The following HCN2 variants were observed in gnomAD, a reference collection of about 807,000 sequenced individuals.
HCN2 encodes hyperpolarization activated cyclic nucleotide gated potassium and sodium channel 2, also known as potassium/sodium hyperpolarization-activated cyclic nucleotide-gated channel 2.
A neutral mutation model predicts 52.3 loss-of-function variants in HCN2; 20 were observed. That is an observed-to-expected ratio of 0.38 (90% CI 0.27 to 0.56). The LOEUF is 0.56. Ranked by LOEUF, HCN2 falls within the 20% of genes least tolerant of loss-of-function variation. The pLI, the probability that HCN2 is intolerant of heterozygous loss-of-function variation, is 0.71. For synonymous variants in HCN2, 694 were observed against 537.0 expected (o/e 1.29, Z -4.04); for missense variants, 981 against 1,207.7 (o/e 0.81, Z 2.78).
intron 4 of HCN2, among the ~76,000 whole-genome samples, chr19:609,556 A>C (rs1983536397): frequency 1.3e-5 from 2 of 152,378 alleles, no homozygotes; most frequent in South Asian, 4.1e-4. Flanking sequence ...GCCTGAGGTC[A>C]GGAGTTTAAG....
At chr19:614,119 G>A in intron 7 of HCN2, 103 bp downstream of exon 7, 1 of 739,042 alleles carries the variant, frequency 1.4e-6, no homozygotes, top group Non-Finnish European at 1.8e-6. Flanking sequence ...GGAAGGGCGT[G>A]GCTGTGGCAT....
chr19:601,802 G>A (rs960347953), intron 1 of HCN2, among the ~76,000 whole-genome samples: 4 of 143,634 alleles, frequency 2.8e-5, no homozygotes, highest in South Asian at 2.4e-4. Flanking sequence ...GTGTGGACGC[G>A]GCACTCCCAG....
intron 7 of HCN2, among the ~76,000 whole-genome samples, chr19:614,562 T>C (rs1415444924): frequency 6.6e-6 from 1 of 151,038 alleles, no homozygotes; most frequent in Non-Finnish European, 1.5e-5. Context: ...GTTCGTGGAG[T>C]GGACACAGCA....
intron 7 of HCN2, among the ~76,000 whole-genome samples, chr19:614,567 A>C (rs552094881): frequency 6.6e-6 from 1 of 152,292 alleles, no homozygotes; most frequent in South Asian, 2.1e-4. Context: ...TGGAGTGGAC[A>C]CAGCACATCC....
chr19:598,384 G>T (rs897263193), intron 1 of HCN2, among the ~76,000 whole-genome samples: 2 of 151,560 alleles, frequency 1.3e-5, no homozygotes, highest in African/African-American at 4.9e-5. Flanking sequence ...TTGGCTCACT[G>T]CAGCCTCGAC....
chr19:594,872 C>G (rs1044222753), intron 1 of HCN2, among the ~76,000 whole-genome samples: 4 of 152,114 alleles, frequency 2.6e-5, no homozygotes, highest in African/African-American at 4.8e-5. Context: ...CCTCCCCGCT[C>G]TCTTCAGGGC....
intron 5 of HCN2, among the ~76,000 whole-genome samples, chr19:612,427 T>TGTGTGTGTGTGTGTGTGGGA: frequency 5.3e-4 from 75 of 142,360 alleles, no homozygotes; most frequent in Non-Finnish European, 7.7e-4. Flanking sequence ...TGTGTGTGTG[T>TGTGTGTGTGTGTGTGTGGGA]GAGAGAGAGA....
chr19:605,023 G>T (rs747807632), intron 2 of HCN2, 38 bp from the exon 3 acceptor site: 8 of 1,591,686 alleles, frequency 5.0e-6, no homozygotes, highest in Non-Finnish European at 5.1e-6. Flanking sequence ...GGGGCCGGGG[G>T]TCAGCGGGTA....
intron 7 of HCN2, among the ~76,000 whole-genome samples, chr19:615,411 G>T (rs1057251357): frequency 2.6e-4 from 39 of 152,186 alleles, no homozygotes. Flanking sequence ...CTACTCGGGA[G>T]GATGAGGCAG....
chr19:594,086 G>C (rs1456851465), intron 1 of HCN2, among the ~76,000 whole-genome samples: 1 of 150,860 alleles, frequency 6.6e-6, no homozygotes, highest in Non-Finnish European at 1.5e-5. Flanking sequence ...GTCTCTGCAC[G>C]AGAAGGGCTG....
chr19:590,476 G>A lies in HCN2; in HGVS notation c.531G>A (p.Lys177=). Residue 177 remains lysine, a synonymous_variant, in exon 1 of 8, where the codon AAG becomes AAA. Transcript: ENST00000251287. This position sits in a 1 kb window ranked among gnomAD's most constrained non-coding sequence, Gnocchi z 7.2. ...CGCTCCTGCAGCCGGGCGTCAACAA[G>A]TTCTCGCTGCGGATGTTCGGCAGCC... ...FGALLQPGVN[K]FSLRMFGSQK... 1 of 1,523,046 alleles carries A rather than the reference G, an allele frequency of 6.6e-7. No individual in the cohort carries two copies. Among genetic ancestry groups the A allele is most frequent in the Non-Finnish European group, 8.8e-7 (1 of 1,130,608 alleles). The allele number at this position is 1,523,046 out of a possible 1,614,324, so 94.3% of individuals were successfully genotyped here.
intron 1 of HCN2, among the ~76,000 whole-genome samples, chr19:597,998 C>G (rs1186903829): frequency 6.6e-6 from 1 of 152,204 alleles, no homozygotes; most frequent in Admixed American, 6.5e-5. Flanking sequence ...TGGTTTTGTC[C>G]CAAGACTGGT....
In HCN2 at chr19:592,083, G is replaced by A. The variant is rs1197247867; in HGVS notation, c.632+1506G>A. On this transcript the variant is annotated intron_variant, in intron 1 of 7. Transcript: ENST00000251287. The surrounding 1 kb of genome is among the most constrained non-coding windows in gnomAD (Gnocchi z 4.8). ...GAGCTTGGTCAGCATCTGGGCTCTG[G>A]CCTGCGAAATGTGGACAGTGAGCGG... 1.3e-5 allele frequency among the ~76,000 whole-genome samples: 2 copies of A among 152,206 alleles called. No homozygotes were observed. Among genetic ancestry groups the A allele is most frequent in the Admixed American group, 6.5e-5 (1 of 15,288 alleles).
chr19:598,171 G>A (rs1983095680), intron 1 of HCN2, among the ~76,000 whole-genome samples: 2 of 152,360 alleles, frequency 1.3e-5, no homozygotes, highest in East Asian at 3.9e-4. Flanking sequence ...CTGAGCAGAT[G>A]TGTCGGACTG....
At chr19:598,147 T>C (rs1258907109) in intron 1 of HCN2, among the ~76,000 whole-genome samples, 1 of 152,130 alleles carries the variant, frequency 6.6e-6, no homozygotes, top group Non-Finnish European at 1.5e-5. Flanking sequence ...GCTGGGGCCC[T>C]GGGGGTCTCG....
chr19:610,365 A>G lies in HCN2; in HGVS notation c.1544A>G (p.Glu515Gly). The change falls in exon 5 of 8, where the codon GAG becomes GGG. Residue 515 changes from glutamate (E) to glycine (G), a missense_variant. Physicochemically the swap from Glu to Gly is moderately conservative, Grantham distance 98. Coordinates refer to ENST00000251287, the MANE Select transcript of HCN2 (RefSeq NM_001194.4). ...EHRYQGKMFD[E>G]DSILGELNGP... The stretch of plus-strand genomic sequence containing the variant: ...CGTTACCAGGGCAAGATGTTTGACG[A>G]GGACAGCATCCTGGGCGAGCTCAAC... 1 of 1,613,700 alleles carries G rather than the reference A, an allele frequency of 6.2e-7. No homozygotes were observed. Among genetic ancestry groups the G allele is most frequent in the Non-Finnish European group, 8.5e-7 (1 of 1,179,754 alleles).
intron 5 of HCN2, among the ~76,000 whole-genome samples, chr19:612,427 T>TGTGTGTGTGAGAGAGAGA: frequency 4.1e-4 from 58 of 142,358 alleles, no homozygotes; most frequent in African/African-American, 1.4e-3. Flanking sequence ...TGTGTGTGTG[T>TGTGTGTGTGAGAGAGAGA]GAGAGAGAGA....
intron 7 of HCN2, among the ~76,000 whole-genome samples, chr19:614,564 G>A (rs182367615): frequency 6.6e-6 from 1 of 152,300 alleles, no homozygotes; most frequent in Admixed American, 6.5e-5. Context: ...TCGTGGAGTG[G>A]ACACAGCACA....
At chr19:594,147 A>C (rs28409415) in intron 1 of HCN2, among the ~76,000 whole-genome samples, 1 of 151,872 alleles carries the variant, frequency 6.6e-6, no homozygotes, top group Non-Finnish European at 1.5e-5. Flanking sequence ...AGGGGACACG[A>C]AGGCCCAGGG....
Sources: allele counts gnomAD v4.1 joint callset (sites outside exome capture counted in the v4.1 genomes callset), GRCh38; gene constraint gnomAD v4.1.1; non-coding constraint Gnocchi (gnomAD v3.1); transcripts MANE v1.5; gene names NCBI Gene and HGNC (gene_info 2026-07-23, HGNC 2026-07-21).